The following PID1 variants were observed in gnomAD, a reference collection of about 807,000 sequenced individuals.
PID1 encodes phosphotyrosine interaction domain containing 1.
Under a neutral mutation model 19.1 loss-of-function variants are expected in PID1, and 10 were observed. The ratio of observed to expected loss-of-function variants is 0.52; its 90% CI spans 0.32 to 0.89. The LOEUF (loss-of-function observed/expected upper bound fraction) is 0.89, where lower values mean the gene tolerates loss of function less well. Ranked by LOEUF, PID1 falls within the 40% of genes least tolerant of loss-of-function variation. The pLI is 0.03. For missense variants in PID1, 248 were observed against 285.3 expected (o/e 0.87, Z 0.94); for synonymous variants, 130 against 116.0 (o/e 1.12, Z -0.78).
At chr2:229,170,935 A>G (rs1390444460) in intron 1 of PID1, among the ~76,000 whole-genome samples, 1 of 152,216 alleles carries the variant, frequency 6.6e-6, no homozygotes, top group Non-Finnish European at 1.5e-5. Flanking sequence ...AAGTCAGACA[A>G]AACAATGTAA....
At chr2:229,209,803 G>T (rs1486712063) in intron 1 of PID1, among the ~76,000 whole-genome samples, 2 of 151,974 alleles carry the variant, frequency 1.3e-5, no homozygotes, top group African/African-American at 4.8e-5. Flanking sequence ...AAGTATAATA[G>T]TCCCTCCATG....
intron 2 of PID1, among the ~76,000 whole-genome samples, chr2:229,102,210 T>C (rs1574629669): frequency 6.6e-6 from 1 of 152,112 alleles, no homozygotes; most frequent in Non-Finnish European, 1.5e-5. Context: ...CTCACCTGCA[T>C]AAATGTGTGA....
At chr2:229,266,004 T>C (rs1690583669) in intron 1 of PID1, among the ~76,000 whole-genome samples, 1 of 152,186 alleles carries the variant, frequency 6.6e-6, no homozygotes, top group African/African-American at 2.4e-5. Flanking sequence ...TGAAAGAGAT[T>C]TGCTGACAAA....
Position 229,179,564 on chromosome 2 carries a change from A to T in PID1, c.31-23600T>A, listed in dbSNP as rs534775509. 3.9e-5 allele frequency among the ~76,000 whole-genome samples: 6 copies of T among 152,344 alleles called. No individual in the cohort carries two copies. In the South Asian group the frequency reaches 1.0e-3, roughly 26 times the overall value. ...TTTTCATACCATTTAAAAAGAGCTCATAGCGTCCATTTAGTAAGACTGAAC... is the reference window on the plus strand; with the variant it reads ...TTTTCATACCATTTAAAAAGAGCTCTTAGCGTCCATTTAGTAAGACTGAAC... On this transcript the variant is annotated intron_variant, in intron 1 of 2. Transcript: ENST00000392055.
intron 2 of PID1, among the ~76,000 whole-genome samples, chr2:229,151,471 T>C (rs79215638): frequency 6.6e-6 from 1 of 152,218 alleles, no homozygotes; most frequent in African/African-American, 2.4e-5. Context: ...CTCTATGCCA[T>C]GAAAAGTGCA....
intron 2 of PID1, among the ~76,000 whole-genome samples, chr2:229,116,950 G>A (rs979248057): frequency 6.6e-6 from 1 of 152,000 alleles, no homozygotes; most frequent in Non-Finnish European, 1.5e-5. Context: ...CTCCTGTAAT[G>A]CACATCTTAA....
chr2:229,206,213 AT>A (rs1691605702), intron 1 of PID1, among the ~76,000 whole-genome samples: 1 of 151,948 alleles, frequency 6.6e-6, no homozygotes, highest in South Asian at 2.1e-4. Context: ...CAAATCAATA[AT>A]TATTGCTTAA....
intron 1 of PID1, among the ~76,000 whole-genome samples, chr2:229,233,280 C>G (rs1692255016): frequency 6.6e-6 from 1 of 151,776 alleles, no homozygotes; most frequent in Admixed American, 6.6e-5. Context: ...GCAAAGAGAA[C>G]AACAGGATAG....
At chr2:229,177,442 T>C (rs1690847178) in intron 1 of PID1, among the ~76,000 whole-genome samples, 2 of 152,172 alleles carry the variant, frequency 1.3e-5, no homozygotes, top group South Asian at 4.1e-4. Context: ...CCTACATAAT[T>C]AATTGTTATT....
chr2:229,114,332 G>A (rs1310417247), intron 2 of PID1, among the ~76,000 whole-genome samples: 1 of 152,072 alleles, frequency 6.6e-6, no homozygotes, highest in East Asian at 1.9e-4. Flanking sequence ...AAGTGCAGCT[G>A]TCTTTTTACT....
At chr2:229,049,788 G>C (rs1048788283) in intron 2 of PID1, among the ~76,000 whole-genome samples, 7 of 152,136 alleles carry the variant, frequency 4.6e-5, no homozygotes, top group African/African-American at 1.7e-4. Flanking sequence ...ATCAGGAAAA[G>C]TCATCGACAC....
intron 1 of PID1, among the ~76,000 whole-genome samples, chr2:229,233,753 A>G (rs1187223352): frequency 2.0e-5 from 3 of 152,120 alleles, no homozygotes; most frequent in African/African-American, 7.2e-5. Context: ...CAGCCTCCCA[A>G]AGTTCTGGGA....
chr2:229,246,686 G>C (rs761328045), intron 1 of PID1, among the ~76,000 whole-genome samples: 10 of 152,122 alleles, frequency 6.6e-5, no homozygotes, highest in Non-Finnish European at 1.5e-4. Flanking sequence ...CACTAGGCAA[G>C]GCCAGCATTA....
chr2:229,250,815 G>A (rs141637359), intron 1 of PID1, among the ~76,000 whole-genome samples: 55 of 152,150 alleles, frequency 3.6e-4, no homozygotes, highest in Middle Eastern at 3.4e-3. Flanking sequence ...CCTTTACAGC[G>A]TCTTAGGATG....
intron 2 of PID1, among the ~76,000 whole-genome samples, chr2:229,026,808 A>G (rs1322427382): frequency 6.6e-6 from 1 of 152,260 alleles, no homozygotes; most frequent in Non-Finnish European, 1.5e-5. Context: ...ATGCTGGCTT[A>G]TCACCTAGCT....
At chr2:229,127,042 A>T (rs943806712) in intron 2 of PID1, among the ~76,000 whole-genome samples, 2 of 152,228 alleles carry the variant, frequency 1.3e-5, no homozygotes, top group East Asian at 3.9e-4. Flanking sequence ...GGGAGAGAGA[A>T]TAAAAGGCCA....
At chr2:229,101,430 T>C (rs570691219) in intron 2 of PID1, among the ~76,000 whole-genome samples, 1 of 152,290 alleles carries the variant, frequency 6.6e-6, no homozygotes, top group East Asian at 1.9e-4. Context: ...CAAAAGCCAG[T>C]GTAGGCATGT....
intron 2 of PID1, among the ~76,000 whole-genome samples, chr2:229,115,402 G>A (rs200055976): frequency 2.8e-3 from 333 of 120,456 alleles, no homozygotes; most frequent in Non-Finnish European, 2.8e-3. Context: ...CTACTCTGGA[G>A]AAAAAAAAAA....
At chr2:229,076,663 G>A (rs1255642465) in intron 2 of PID1, among the ~76,000 whole-genome samples, 4 of 152,046 alleles carry the variant, frequency 2.6e-5, no homozygotes, top group African/African-American at 4.8e-5. Context: ...CTGTTCCTAC[G>A]TTAGTTTGCT....
Sources: allele counts gnomAD v4.1 joint callset (sites outside exome capture counted in the v4.1 genomes callset), GRCh38; gene constraint gnomAD v4.1.1; transcripts MANE v1.5; gene names NCBI Gene and HGNC (gene_info 2026-07-23, HGNC 2026-07-21).